The following MCF2L2 variants were observed in gnomAD, a reference collection of about 807,000 sequenced individuals.
MCF2L2 encodes the protein MCF.2 cell line derived transforming sequence-like 2, also known as probable guanine nucleotide exchange factor MCF2L2.
Under a neutral mutation model 150.2 loss-of-function variants are expected in MCF2L2, and 102 were observed. The observed-to-expected ratio is 0.68, with a 90% CI of 0.58 to 0.80. The LOEUF is 0.80. MCF2L2 is among the 30% of genes least tolerant of loss of function. The pLI is 0.00. For synonymous variants in MCF2L2, 465 were observed against 491.3 expected, an observed-to-expected ratio of 0.95 and a Z score of 0.71; for missense variants, 1,256 against 1,372.8, an observed-to-expected ratio of 0.91 and a Z score of 1.34.
chr3:183,318,225 G>A lies in MCF2L2; in HGVS notation c.604-8C>T, dbSNP rs773239433. ...GGCAAAGTTTTCGATGGCCTGGAAGGTCAGACAATTGTAACAATATGGAGA... is the reference window on the plus strand; with the variant it reads ...GGCAAAGTTTTCGATGGCCTGGAAGATCAGACAATTGTAACAATATGGAGA... On this transcript the variant is annotated splice_region_variant and splice_polypyrimidine_tract_variant and intron_variant, in intron 6 of 29. Coordinates refer to ENST00000328913, the MANE Select transcript of MCF2L2 (RefSeq NM_015078.4). The A allele has an allele frequency of 6.2e-7, 1 of 1,614,160 alleles. No homozygotes were observed. Among genetic ancestry groups the A allele is most frequent in the South Asian group, 1.1e-5 (1 of 91,080 alleles).
chr3:183,391,060 A>G (rs1055756767), intron 1 of MCF2L2, among the ~76,000 whole-genome samples: 1 of 152,190 alleles, frequency 6.6e-6, no homozygotes, highest in African/African-American at 2.4e-5. Flanking sequence ...TCATGGTAAC[A>G]TTATGATATT....
intron 15 of MCF2L2, chr3:183,265,836 T>G (rs774496795): frequency 1.3e-5 from 2 of 152,240 alleles, no homozygotes; most frequent in Non-Finnish European, 2.9e-5. Context: ...TTGTGATTTA[T>G]GTAAATGGTG....
chr3:183,295,369 G>A lies in MCF2L2; in HGVS notation c.1606C>T (p.Pro536Ser). 3.1e-6 allele frequency: 5 copies of A among 1,613,926 alleles called. No homozygotes were observed. Among genetic ancestry groups the A allele is most frequent in the East Asian group, 2.2e-5 (1 of 44,860 alleles). The change falls in exon 13 of 30, where the codon CCT becomes TCT. Residue 536 changes from proline (P) to serine (S), a missense_variant. Coordinates refer to ENST00000328913, the MANE Select transcript of MCF2L2 (RefSeq NM_015078.4). ...GAAGACTCAGGATGTGGGGCCACAG[G>A]TTGCACTGGACGAGTCTGTTTGGCT... ...LAAKQTRPVQPVAPHPESSPK... is the reference protein window; with the variant it reads ...LAAKQTRPVQSVAPHPESSPK...
At chr3:183,211,089 T>C (rs1722702458) in intron 22 of MCF2L2, among the ~76,000 whole-genome samples, 1 of 151,656 alleles carries the variant, frequency 6.6e-6, no homozygotes, top group Admixed American at 6.6e-5. Flanking sequence ...TCATTAGAAA[T>C]TATGAGGAAG....
chr3:183,420,141 C>A (rs965055215), intron 1 of MCF2L2, among the ~76,000 whole-genome samples: 2 of 152,206 alleles, frequency 1.3e-5, no homozygotes, highest in African/African-American at 2.4e-5. Context: ...CTAGGAAGTT[C>A]CAAACTTTCC....
chr3:183,263,529 C>A (rs958426978), intron 15 of MCF2L2, among the ~76,000 whole-genome samples: 1 of 151,880 alleles, frequency 6.6e-6, no homozygotes, highest in Non-Finnish European at 1.5e-5. Flanking sequence ...TTCATTGACT[C>A]CTCCTTTCTC....
rs1353821283 is a variant in MCF2L2 at position 183,283,355 on chromosome 3, CT to C, written c.1776+5764del. Reference sequence around the variant, plus strand: ...GTAATACACAGGTGCCCTCCTCCTCCTGTCAACATTCCTCAACCAAAGCCTC... The same window carrying C: ...GTAATACACAGGTGCCCTCCTCCTCCGTCAACATTCCTCAACCAAAGCCTC... On this transcript the variant is annotated intron_variant, in intron 14 of 29. Transcript: ENST00000328913. This position sits in a 1 kb window ranked among gnomAD's most constrained non-coding sequence, Gnocchi z 4.2. 6.6e-6 allele frequency among the ~76,000 whole-genome samples: 1 copy of C among 152,148 alleles called. No homozygotes were observed. The highest frequency in any genetic ancestry group is 2.4e-5 in the African/African-American group (1 of 41,430).
chr3:183,206,251 C>T (rs772787308), intron 23 of MCF2L2, 37 bp from the exon 24 acceptor site: 52 of 1,441,910 alleles, frequency 3.6e-5, no homozygotes, highest in African/African-American at 2.0e-4. Context: ...TCTATACCAT[C>T]GTTTTCTGAT....
At chr3:183,353,372 C>T (rs997952992) in intron 3 of MCF2L2, among the ~76,000 whole-genome samples, 3 of 152,198 alleles carry the variant, frequency 2.0e-5, no homozygotes, top group Non-Finnish European at 4.4e-5. Flanking sequence ...AAGATGCCCA[C>T]CCAGTTCCAC....
chr3:183,320,250 G>A (rs977579666), intron 6 of MCF2L2, among the ~76,000 whole-genome samples: 3 of 151,776 alleles, frequency 2.0e-5, no homozygotes, highest in Admixed American at 6.6e-5. Context: ...CCGCCACCAC[G>A]CCCAGCTAAT....
At chr3:183,323,977 A>G (rs568353907) in intron 5 of MCF2L2, among the ~76,000 whole-genome samples, 1 of 152,210 alleles carries the variant, frequency 6.6e-6, no homozygotes, top group Non-Finnish European at 1.5e-5. Context: ...ATTTTCAGTC[A>G]TAAGTTCCCA....
intron 15 of MCF2L2, among the ~76,000 whole-genome samples, chr3:183,246,180 T>A (rs75859716): frequency 0.054 from 8,250 of 152,334 alleles, 334 homozygotes; most frequent in Non-Finnish European, 0.093. Context: ...AAGTTTTTTT[T>A]AATTGTGGTA....
chr3:183,295,622 C>T (rs527600378), intron 12 of MCF2L2, 145 bp from the exon 13 acceptor site: 9 of 718,546 alleles, frequency 1.3e-5, no homozygotes, highest in African/African-American at 7.2e-5. Context: ...CTATGCAAGT[C>T]GCTGCAGGTC....
chr3:183,310,585 C>G (rs891945353), intron 9 of MCF2L2: 5 of 311,926 alleles, frequency 1.6e-5, no homozygotes, highest in African/African-American at 1.1e-4. Context: ...ATAGCTTGAG[C>G]CCAGAAGATC....
rs1210463499 is a variant in MCF2L2 at position 183,228,289 on chromosome 3, A to G, written c.2115+8T>C. On this transcript the variant is annotated splice_region_variant and intron_variant, in intron 18 of 29. Transcript: ENST00000328913. ...TAACATGATTATTTACTGGGAGTAC[A>G]GACTTACTCTCTTGAGAAAGCAATG... The G allele has an allele frequency of 1.2e-6, 2 of 1,609,194 alleles. No individual in the cohort carries two copies. Among genetic ancestry groups the G allele is most frequent in the Admixed American group, 3.3e-5 (2 of 59,996 alleles).
rs982464565 is a variant in MCF2L2, at chr3:183,238,383, C to T, written c.1863-7366G>A. 3.3e-5 allele frequency among the ~76,000 whole-genome samples: 5 copies of T among 151,952 alleles called. No individual in the cohort carries two copies. The East Asian group carries it at 7.9e-4, about 24-fold the overall frequency. On this transcript the variant is annotated intron_variant, in intron 15 of 29. Transcript: ENST00000328913. Reference sequence around the variant, plus strand: ...AGTCTCGGCTCACTGCCACCTCTGCCTCCCAGGTTCAAGCAATTCCCCTGC... The same window carrying T: ...AGTCTCGGCTCACTGCCACCTCTGCTTCCCAGGTTCAAGCAATTCCCCTGC...
chr3:183,276,444 C>T (rs1727158471), intron 15 of MCF2L2, among the ~76,000 whole-genome samples: 1 of 152,150 alleles, frequency 6.6e-6, no homozygotes, highest in Non-Finnish European at 1.5e-5. Flanking sequence ...TTGGCTTTTA[C>T]CTCCCTAATT....
intron 15 of MCF2L2, chr3:183,254,131 C>A (rs188120560): frequency 0.013 from 1,994 of 151,848 alleles, 34 homozygotes; most frequent in African/African-American, 0.045. Flanking sequence ...CGGGAGGCTC[C>A]GAGTCTGCCC....
At chr3:183,290,174 A>G (rs966810750) in intron 13 of MCF2L2, among the ~76,000 whole-genome samples, 2 of 152,130 alleles carry the variant, frequency 1.3e-5, no homozygotes, top group Non-Finnish European at 2.9e-5. Flanking sequence ...CTCTTTTTAC[A>G]CACATACATG....
Sources: gnomAD v4.1 joint callset for allele counts (sites outside exome capture counted in the v4.1 genomes callset) on GRCh38, gnomAD v4.1.1 for gene constraint, Gnocchi (gnomAD v3.1) non-coding constraint, MANE v1.5 for transcripts, NCBI Gene and HGNC (gene_info 2026-07-23, HGNC 2026-07-21) for gene names.